ABI3BP: variants seen among roughly 807,000 people sequenced by gnomAD.
The protein encoded by ABI3BP is ABI family member 3 binding protein.
ABI3BP carries 216 observed loss-of-function variants against 268.6 expected under a neutral mutation model. The ratio of observed to expected loss-of-function variants is 0.80; its 90% CI spans 0.72 to 0.90. The LOEUF is 0.90. ABI3BP is among the 40% of genes least tolerant of loss of function. ABI3BP has a pLI of 0.00. For synonymous variants in ABI3BP, 730 were observed against 730.0 expected (o/e 1.00, Z 0.00); for missense variants, 2,090 against 2,182.4 (o/e 0.96, Z 0.84).
chr3:100,858,173 AC>A (rs2098959839), intron 14 of ABI3BP, among the ~76,000 whole-genome samples: 1 of 152,252 alleles, frequency 6.6e-6, no homozygotes, highest in South Asian at 2.1e-4. Context: ...ATATTCTGAT[AC>A]ATAATTATAG....
At chr3:100,772,348 T>A (rs1323045090) in intron 61 of ABI3BP, among the ~76,000 whole-genome samples, 2 of 152,188 alleles carry the variant, frequency 1.3e-5, no homozygotes, top group Non-Finnish European at 2.9e-5. Context: ...ATACACAATG[T>A]TTTTCTTATT....
chr3:100,847,799 A>G (rs2098789923), intron 18 of ABI3BP, 126 bp from the exon 19 acceptor site: 4 of 766,450 alleles, frequency 5.2e-6, no homozygotes, highest in Non-Finnish European at 8.9e-6. Flanking sequence ...ACAATGAGTA[A>G]AAGTTTTGAG....
At chr3:100,802,535 C>T (rs1340239756) in intron 51 of ABI3BP, among the ~76,000 whole-genome samples, 1 of 152,122 alleles carries the variant, frequency 6.6e-6, no homozygotes, top group Non-Finnish European at 1.5e-5. Flanking sequence ...GTCAAGATTC[C>T]TCATTAAATG....
At chr3:100,859,578 C>T (rs1020742874) in intron 14 of ABI3BP, among the ~76,000 whole-genome samples, 1 of 146,256 alleles carries the variant, frequency 6.8e-6, no homozygotes, top group Non-Finnish European at 1.5e-5. Flanking sequence ...CATTAGTACA[C>T]ATGTAAATTT....
chr3:100,885,220 G>A lies in ABI3BP; in HGVS notation c.696+316C>T, dbSNP rs962570967. ...ATGTACATAAATCATGTATCAATTT[G>A]CTCTTGAAACATTATATTAAAAAGC... On this transcript the variant is annotated intron_variant, in intron 6 of 67. Transcript: ENST00000471714. Among the ~76,000 whole-genome samples the A allele has an allele frequency of 2.6e-5, 4 of 151,958 alleles. 1 individual carries two copies. Among genetic ancestry groups the A allele is most frequent in the Admixed American group, 1.3e-4 (2 of 15,240 alleles).
chr3:100,796,560 A>C, intron 51 of ABI3BP, 92 bp from the exon 52 acceptor site: 1 of 928,684 alleles, frequency 1.1e-6, no homozygotes, highest in Non-Finnish European at 1.6e-6. Flanking sequence ...AGAAAGCATG[A>C]ATGAAGCAAA....
At chr3:100,912,095 C>T in intron 2 of ABI3BP, 1 of 637,396 alleles carries the variant, frequency 1.6e-6, no homozygotes, top group Non-Finnish European at 2.9e-6. Context: ...AGAAGAACAC[C>T]TTCCGTGTCC....
chr3:100,797,513 A>T (rs1470763408), intron 51 of ABI3BP, among the ~76,000 whole-genome samples: 1 of 151,984 alleles, frequency 6.6e-6, no homozygotes, highest in East Asian at 1.9e-4. Flanking sequence ...CTGGAAAAAA[A>T]ATTATGATTC....
chr3:100,939,637 A>T (rs1467902364), intron 1 of ABI3BP, among the ~76,000 whole-genome samples: 1 of 152,210 alleles, frequency 6.6e-6, no homozygotes, highest in East Asian at 1.9e-4. Flanking sequence ...AGAATATCAC[A>T]AGGCAAATGG....
At chr3:100,759,784 C>T (rs1559851304) in intron 63 of ABI3BP, among the ~76,000 whole-genome samples, 1 of 152,194 alleles carries the variant, frequency 6.6e-6, no homozygotes, top group Non-Finnish European at 1.5e-5. Context: ...AAGTCAATTT[C>T]TTCTTCAACA....
chr3:100,820,312 A>G lies in ABI3BP; in HGVS notation c.2948-9T>C. 6.5e-7 allele frequency: 1 copy of G among 1,535,510 alleles called. No individual in the cohort carries two copies. Among genetic ancestry groups the G allele is most frequent in the Non-Finnish European group, 8.7e-7 (1 of 1,146,466 alleles). Reference sequence around the variant, plus strand: ...TTGTGATGTTTTAGGAGCTGAAGAAAGAAAACCTTTAGTTACTACAGAGTC... The same window carrying G: ...TTGTGATGTTTTAGGAGCTGAAGAAGGAAAACCTTTAGTTACTACAGAGTC... On this transcript the variant is annotated splice_polypyrimidine_tract_variant and intron_variant, in intron 39 of 67. Transcript: ENST00000471714.
chr3:100,774,298 C>G (rs992427888), intron 61 of ABI3BP, among the ~76,000 whole-genome samples: 2 of 151,996 alleles, frequency 1.3e-5, no homozygotes, highest in South Asian at 2.1e-4. Flanking sequence ...TGCATTATTA[C>G]GAAAATGGCT....
chr3:100,963,248 T>G (rs931285574), intron 1 of ABI3BP, among the ~76,000 whole-genome samples: 1 of 152,170 alleles, frequency 6.6e-6, no homozygotes. Context: ...AGGGTTGAGA[T>G]TTGAACAAAG....
At chr3:100,876,454 C>CTTAG (rs2099161780) in intron 7 of ABI3BP, 58 bp downstream of exon 7, 1 of 1,436,578 alleles carries the variant, frequency 7.0e-7, no homozygotes. Flanking sequence ...GTTTGATTAC[C>CTTAG]TTAGCTAAAA....
At chr3:100,956,735 T>A (rs184359877) in intron 1 of ABI3BP, among the ~76,000 whole-genome samples, 2 of 151,990 alleles carry the variant, frequency 1.3e-5, no homozygotes, top group East Asian at 3.9e-4. Context: ...CTTTGATAGA[T>A]AGAGGAGGAG....
chr3:100,841,194 CTTTTTTTTTTTTTTTTTTTTTTTT>C (rs60261694), intron 21 of ABI3BP, among the ~76,000 whole-genome samples: 3 of 39,606 alleles, frequency 7.6e-5, no homozygotes, highest in Admixed American at 3.6e-4. Flanking sequence ...CATTAGAACA[CTTTTTTTTTTTTTTTTTTTTTTTT>C]TTTTTTTTTG....
At chr3:100,828,253 T>C (rs2098423570) in intron 34 of ABI3BP, 140 bp downstream of exon 34, 1 of 673,042 alleles carries the variant, frequency 1.5e-6, no homozygotes, top group Non-Finnish European at 2.5e-6. Context: ...GATGTAGCTC[T>C]CTTATGAGCA....
At chr3:100,771,818 G>C (rs1281322809) in intron 61 of ABI3BP, among the ~76,000 whole-genome samples, 2 of 152,124 alleles carry the variant, frequency 1.3e-5, no homozygotes, top group Non-Finnish European at 2.9e-5. Flanking sequence ...AGGTAAAGAA[G>C]CGGGTGAGCA....
intron 55 of ABI3BP, among the ~76,000 whole-genome samples, chr3:100,790,502 A>G (rs1364267661): frequency 1.3e-5 from 2 of 152,044 alleles, no homozygotes; most frequent in African/African-American, 4.8e-5. Flanking sequence ...ACTAAGTTAA[A>G]AAAGTATGCC....
Sources: gnomAD v4.1 joint callset for allele counts (sites outside exome capture counted in the v4.1 genomes callset) on GRCh38, gnomAD v4.1.1 for gene constraint, MANE v1.5 for transcripts, NCBI Gene and HGNC (gene_info 2026-07-23, HGNC 2026-07-21) for gene names.